The following CYSLTR1 variants were observed in gnomAD, a reference collection of about 807,000 sequenced individuals.
CYSLTR1 encodes the protein cysteinyl leukotriene receptor 1, also known as G-protein coupled receptor HG55.
A neutral mutation model predicts 2.1 loss-of-function variants in CYSLTR1; 1 was observed. The observed-to-expected ratio is 0.48, with a 90% CI of 0.17 to 2.28. CYSLTR1 has a LOEUF of 2.28. CYSLTR1 is among the 30% of genes most tolerant of loss of function. The pLI is 0.26. For missense variants in CYSLTR1, 299 were observed against 250.1 expected, an observed-to-expected ratio of 1.20 and a Z score of -1.32; for synonymous variants, 110 against 89.6, an observed-to-expected ratio of 1.23 and a Z score of -1.28.
chrX:78,310,614 T>G (rs1923181944), intron 1 of CYSLTR1, among the ~76,000 whole-genome samples: 1 of 112,229 alleles, frequency 8.9e-6, no homozygotes, highest in African/African-American at 3.2e-5. Context: ...ATAAATGCAC[T>G]GCATTATTAC....
chrX:78,326,444 G>C (rs190767208), intron 1 of CYSLTR1, among the ~76,000 whole-genome samples: 47 of 112,019 alleles, frequency 4.2e-4, no homozygotes, highest in African/African-American at 1.4e-3. Context: ...TGGTATCATA[G>C]TTTCTCTCTA....
chrX:78,325,306 G>A (rs1414858282), intron 1 of CYSLTR1, among the ~76,000 whole-genome samples: 1 of 111,536 alleles, frequency 9.0e-6, no homozygotes, highest in African/African-American at 3.3e-5. Flanking sequence ...TAGCAATATA[G>A]TCTAGGGAGT....
rs945051585 is a variant in CYSLTR1 at position 78,273,072 on chromosome X, C to T, written c.675G>A (p.Leu225=). ...TTCCTATAGCCTTTTTATGACTTGACAGATTTTTTTTCATTGATTTTTTTA... is the reference window on the plus strand; with the variant it reads ...TTCCTATAGCCTTTTTATGACTTGATAGATTTTTTTTCATTGATTTTTTTA... The part of the protein sequence containing the change: ...TLLKKSMKKN[L]SSHKKAIGMI... Residue 225 remains leucine, a synonymous_variant, in exon 3 of 3, where the codon CTG becomes CTA. Transcript: ENST00000373304. 7.4e-6 allele frequency: 9 copies of T among 1,208,414 alleles called. No individual in the cohort carries two copies. The highest frequency in any genetic ancestry group is 1.0e-5 in the Non-Finnish European group (9 of 894,392).
intron 1 of CYSLTR1, among the ~76,000 whole-genome samples, chrX:78,287,129 C>T (rs56176732): frequency 0.019 from 2,142 of 111,592 alleles, 19 homozygotes; most frequent in Middle Eastern, 0.037. Flanking sequence ...ATTCTCCTAA[C>T]AGTGTCTTGC....
At chrX:78,275,134 C>T (rs1482934254) in intron 2 of CYSLTR1, among the ~76,000 whole-genome samples, 1 of 112,023 alleles carries the variant, frequency 8.9e-6, no homozygotes, top group Non-Finnish European at 1.9e-5. Flanking sequence ...GTTGGTGGGA[C>T]TGTAAACTAG....
chrX:78,274,799 G>A lies in CYSLTR1; in HGVS notation c.-27-1026C>T, dbSNP rs750063126. On this transcript the variant is annotated intron_variant, in intron 2 of 2. Transcript: ENST00000373304. The stretch of plus-strand genomic sequence containing the variant: ...CATCAGAGTGAACAGGCAACCTACA[G>A]AATGGGAGAAAATTTTTGCAATCTA... Among the ~76,000 whole-genome samples, 549 of 110,845 alleles carry A rather than the reference G, an allele frequency of 5.0e-3. 2 individuals carry two copies. The highest frequency in any genetic ancestry group is 0.017 in the African/African-American group (519 of 30,486).
At position 78,273,595 on chromosome X, in the gene CYSLTR1, G is replaced by GT; in HGVS notation, c.151dup (p.Thr51AsnfsTer14). 8.3e-7 allele frequency: 1 copy of GT among 1,211,418 alleles called. No individual in the cohort carries two copies. The highest frequency in any genetic ancestry group is 3.0e-5 in the East Asian group (1 of 33,846). ...TTGGAAGGCTGACTTCTTGTGATAG[G>GT]TTTTTATGAGGACATAGAGCACAAA... On this transcript the variant is annotated frameshift_variant, in exon 3 of 3. Transcript: ENST00000373304. LOFTEE classifies it low-confidence loss of function (END_TRUNC).
intron 1 of CYSLTR1, among the ~76,000 whole-genome samples, chrX:78,284,306 C>T (rs1254044735): frequency 8.9e-6 from 1 of 112,174 alleles, no homozygotes; most frequent in Non-Finnish European, 1.9e-5. Flanking sequence ...CCTGCAAGGC[C>T]TCCAGAGGCT....
At chrX:78,299,901 C>T (rs1259682015) in intron 1 of CYSLTR1, among the ~76,000 whole-genome samples, 5 of 111,392 alleles carry the variant, frequency 4.5e-5, no homozygotes, top group Admixed American at 9.6e-5. Flanking sequence ...CTTTGTCTAC[C>T]TCCTCTTTAA....
chrX:78,273,310 C>T lies in CYSLTR1; in HGVS notation c.437G>A (p.Gly146Asp), dbSNP rs1921393344. 8.3e-7 allele frequency: 1 copy of T among 1,208,816 alleles called. No individual in the cohort carries two copies. The change falls in exon 3 of 3, where the codon GGT becomes GAT. Residue 146 changes from glycine (G) to aspartate (D), a missense_variant. Gly to Asp is a moderately conservative substitution (Grantham distance 94). Coordinates refer to ENST00000373304, the MANE Select transcript of CYSLTR1 (RefSeq NM_006639.4). ...GGTCAAAATCACAAAAATCCAAATA[C>T]CTACACACACAAACCTGGCTTTTTT... ...TQKKARFVCV[G>D]IWIFVILTSS...
rs922877765 is a variant in CYSLTR1 at position 78,290,896 on chromosome X, C to G, written c.-114-7356G>C. 6.3e-5 allele frequency among the ~76,000 whole-genome samples: 7 copies of G among 111,950 alleles called. No homozygotes were observed. In the Admixed American group the frequency reaches 6.6e-4, roughly 11 times the overall value. On this transcript the variant is annotated intron_variant, in intron 1 of 2. Transcript: ENST00000373304. ...TTTCCTAAATATACAATCATGTCAT[C>G]TGCAAACAGGGACAATTTGACTTCC...
At position 78,272,611 on chromosome X, in the gene CYSLTR1, G is replaced by A; in HGVS notation, c.*122C>T. On this transcript the variant is annotated 3_prime_UTR_variant, in exon 3 of 3. Coordinates refer to ENST00000373304, the MANE Select transcript of CYSLTR1 (RefSeq NM_006639.4). ...GATGCATAAATGAGATAGAGTTGTA[G>A]GCCCAAATAGTTAAGTATTTGTAAA... 1.8e-5 allele frequency: 12 copies of A among 671,630 alleles called. No homozygotes were observed. The highest frequency in any genetic ancestry group is 2.5e-5 in the Non-Finnish European group (12 of 479,740). 55.3% of individuals were successfully genotyped at this position (671,630 alleles called of 1,213,427 possible).
chrX:78,326,390 G>T lies in CYSLTR1; in HGVS notation c.-115+915C>A, dbSNP rs1923861212. Among the ~76,000 whole-genome samples, 3 of 111,794 alleles carry T rather than the reference G, an allele frequency of 2.7e-5. No homozygotes were observed. The Admixed American group carries it at 2.8e-4, about 11-fold the overall frequency. On this transcript the variant is annotated intron_variant, in intron 1 of 2. Transcript: ENST00000373304. The stretch of plus-strand genomic sequence containing the variant: ...TTAAAACAGTGTACAATCTAGTCCA[G>T]ATTTAGTTACAATTTCTTTTAAAAT...
intron 1 of CYSLTR1, among the ~76,000 whole-genome samples, chrX:78,305,820 T>C (rs1318350116): frequency 8.8e-6 from 1 of 113,155 alleles, no homozygotes; most frequent in Non-Finnish European, 1.9e-5. Context: ...TTTCCTTCCT[T>C]TTTTGTGGCT....
intron 1 of CYSLTR1, among the ~76,000 whole-genome samples, chrX:78,302,921 C>T (rs1057184631): frequency 1.1e-4 from 12 of 111,520 alleles, no homozygotes; most frequent in African/African-American, 3.6e-4. Context: ...GCCACCCCAG[C>T]TGTTGTCTCA....
chrX:78,303,166 G>A (rs1294066596), intron 1 of CYSLTR1, among the ~76,000 whole-genome samples: 1 of 111,743 alleles, frequency 8.9e-6, no homozygotes, highest in Non-Finnish European at 1.9e-5. Flanking sequence ...GTGGCCATCA[G>A]CTGAGTTTGA....
At position 78,324,895 on chromosome X, in the gene CYSLTR1, G is replaced by GACAC. The variant is rs763006501; in HGVS notation, c.-115+2406_-115+2409dup. ...AGTGACTTTAGGTCTTTCTATTTTA[G>GACAC]ACACACACACACACACACACACAAC... On this transcript the variant is annotated intron_variant, in intron 1 of 2. Coordinates refer to ENST00000373304, the MANE Select transcript of CYSLTR1 (RefSeq NM_006639.4). 9.9e-3 allele frequency among the ~76,000 whole-genome samples: 1,059 copies of GACAC among 106,507 alleles called. 16 individuals carry two copies. Among genetic ancestry groups the GACAC allele is most frequent in the African/African-American group, 0.034 (1,001 of 29,211 alleles). 92.5% of individuals were successfully genotyped at this position (106,507 alleles called of 115,157 possible).
chrX:78,284,158 CAATTA>C (rs1350508112), intron 1 of CYSLTR1, among the ~76,000 whole-genome samples: 1 of 111,659 alleles, frequency 9.0e-6, no homozygotes, highest in African/African-American at 3.3e-5. Context: ...CTCTTCTCTT[CAATTA>C]AATTATGTTC....
At chrX:78,319,871 G>A (rs1923571183) in intron 1 of CYSLTR1, 2 of 112,077 alleles carry the variant, frequency 1.8e-5, no homozygotes, top group African/African-American at 6.5e-5. Flanking sequence ...CAGTGATGAT[G>A]AGCATTTTTT....
Sources: allele counts gnomAD v4.1 joint callset (sites outside exome capture counted in the v4.1 genomes callset), GRCh38; gene constraint gnomAD v4.1.1; transcripts MANE v1.5; gene names NCBI Gene and HGNC (gene_info 2026-07-23, HGNC 2026-07-21).